Variants in LAMC2 observed in about 807,000 individuals in gnomAD.
LAMC2 encodes the protein laminin subunit gamma-2.
In LAMC2, 97 loss-of-function variants were observed where a neutral mutation model predicts 140.2. The ratio of observed to expected loss-of-function variants is 0.69; its 90% CI spans 0.59 to 0.82. The LOEUF (loss-of-function observed/expected upper bound fraction) is 0.82, where lower values mean the gene tolerates loss of function less well. LAMC2 is among the 40% of genes least tolerant of loss of function. The pLI is 0.00. For missense variants in LAMC2, 1,402 were observed against 1,476.1 expected (o/e 0.95, Z 0.82); for synonymous variants, 513 against 540.2 (o/e 0.95, Z 0.70).
chr1:183,257,038 C>A, the LAMC2 span, among the ~76,000 whole-genome samples: 1 of 152,130 alleles, frequency 6.6e-6, no homozygotes, highest in Non-Finnish European at 1.5e-5. Flanking sequence ...AGGCATGAGC[C>A]ACTGTGCCTG....
chr1:183,249,703 G>A (rs199574623), downstream of LAMC2: 1 of 152,662 alleles, frequency 6.6e-6, no homozygotes, highest in East Asian at 1.9e-4. Flanking sequence ...GTGTGTGTGT[G>A]TGTGTGTGTG....
chr1:183,233,435 G>C (rs1015927262), intron 14 of LAMC2, among the ~76,000 whole-genome samples: 1 of 152,178 alleles, frequency 6.6e-6, no homozygotes, highest in Non-Finnish European at 1.5e-5. Context: ...GTAGGAGGGA[G>C]AGATTTGATT....
intron 7 of LAMC2, 91 bp from the exon 8 acceptor site, chr1:183,225,496 AAGCAGGACTGGGAAGGGGCTT>A: frequency 1.3e-6 from 1 of 791,202 alleles, no homozygotes. Flanking sequence ...GCCCCCTTCT[AAGCAGGACTGGGAAGGGGCTT>A]AGCTGTTCCC....
At chr1:183,218,975 C>T (rs1016448747) in intron 4 of LAMC2, among the ~76,000 whole-genome samples, 1 of 152,208 alleles carries the variant, frequency 6.6e-6, no homozygotes, top group East Asian at 1.9e-4. Flanking sequence ...GTTACATGCA[C>T]ACACATGAAT....
At chr1:183,240,269 G>C (rs767106847) in intron 21 of LAMC2, 23 bp from the exon 22 acceptor site, 1 of 1,614,204 alleles carries the variant, frequency 6.2e-7, no homozygotes, top group Non-Finnish European at 8.5e-7. Flanking sequence ...TTTCAAGGCT[G>C]GTTTGTGCTT....
At chr1:183,230,810 A>T in intron 11 of LAMC2, 151 bp from the exon 12 acceptor site, 2 of 874,648 alleles carry the variant, frequency 2.3e-6, no homozygotes, top group Non-Finnish European at 3.6e-6. Flanking sequence ...CTGCCACATG[A>T]TTCCTAAGAC....
Position 183,227,597 on chromosome 1 carries a change from C to T in LAMC2, c.1368C>T (p.Pro456=). Residue 456 remains proline (P), a synonymous_variant, in exon 10 of 23, where the codon CCC becomes CCT. Transcript: ENST00000264144. Reference sequence around the variant, plus strand: ...GTTTCTACAACGATCCGCACGACCCCCGCAGCTGCAAGCCATGTCCCTGTC... The same window carrying T: ...GTTTCTACAACGATCCGCACGACCCTCGCAGCTGCAAGCCATGTCCCTGTC... ...PIGFYNDPHD[P]RSCKPCPCHN... is the part of the protein sequence containing the mutation. The T allele has an allele frequency of 6.2e-7, 1 of 1,614,204 alleles. No homozygotes were observed. Among genetic ancestry groups the T allele is most frequent in the East Asian group, 2.2e-5 (1 of 44,878 alleles).
chr1:183,230,865 G>A, intron 11 of LAMC2, 96 bp from the exon 12 acceptor site: 1 of 1,384,772 alleles, frequency 7.2e-7, no homozygotes, highest in South Asian at 1.2e-5. Flanking sequence ...AGGATTCTCT[G>A]CTGTTGGAGG....
At chr1:183,250,162 C>T in the LAMC2 span, 2 of 152,246 alleles carry the variant, frequency 1.3e-5, no homozygotes, top group African/African-American at 4.8e-5. Context: ...ACCTGTTTTC[C>T]TTTGTTTCAT....
At chr1:183,189,425 A>T (rs1242822029) in intron 1 of LAMC2, among the ~76,000 whole-genome samples, 1 of 152,182 alleles carries the variant, frequency 6.6e-6, no homozygotes, top group Non-Finnish European at 1.5e-5. Flanking sequence ...CCCCACCTCT[A>T]GGAGGCTAAG....
intron 7 of LAMC2, among the ~76,000 whole-genome samples, chr1:183,223,603 G>A (rs1282010459): frequency 6.6e-6 from 1 of 152,086 alleles, no homozygotes; most frequent in East Asian, 1.9e-4. Context: ...ACATAAAGGA[G>A]GCATGACTGA....
intron 1 of LAMC2, among the ~76,000 whole-genome samples, chr1:183,197,631 G>T (rs1225343720): frequency 2.6e-5 from 4 of 151,416 alleles, no homozygotes; most frequent in African/African-American, 9.7e-5. Flanking sequence ...AGCCGAGATC[G>T]TGCTACTGCA....
chr1:183,231,172 C>G (rs1488609286), intron 12 of LAMC2, 69 bp downstream of exon 12: 15 of 1,576,240 alleles, frequency 9.5e-6, no homozygotes, highest in Non-Finnish European at 1.3e-5. Flanking sequence ...CTGGGTGGTT[C>G]TGTCACAGAT....
chr1:183,227,494 C>T, intron 9 of LAMC2, 21 bp from the exon 10 acceptor site: 1 of 1,608,394 alleles, frequency 6.2e-7, no homozygotes, highest in Non-Finnish European at 8.5e-7. Context: ...CTCTGCCCCT[C>T]CACTCTTCTC....
chr1:183,228,455 G>A lies in LAMC2; in HGVS notation c.1550G>A (p.Cys517Tyr). 6.2e-7 allele frequency: 1 copy of A among 1,614,032 alleles called. No homozygotes were observed. Among genetic ancestry groups the A allele is most frequent in the Non-Finnish European group, 8.5e-7 (1 of 1,180,016 alleles). Residue 517 changes from cysteine to tyrosine, a missense_variant, in exon 11 of 23, where the codon TGT becomes TAT. Physicochemically the swap from Cys to Tyr is radical, Grantham distance 194 (BLOSUM62 -2). This residue lies in a region of LAMC2 where 723 missense variants were observed against 783.3 expected (regional missense o/e 0.92). Transcript: ENST00000264144. This position sits in a 1 kb window ranked among gnomAD's most constrained non-coding sequence, Gnocchi z 4.3. ...GGCCCAGTGAGGCCTTGTCAGCCCTGTCAATGCAACAACAATGTGGACCCC... is the reference window on the plus strand; with the variant it reads ...GGCCCAGTGAGGCCTTGTCAGCCCTATCAATGCAACAACAATGTGGACCCC... Reference protein sequence around the residue: ...EHGPVRPCQPCQCNNNVDPSA... With the variant: ...EHGPVRPCQPYQCNNNVDPSA...
chr1:183,243,183 T>G lies in LAMC2; in HGVS notation c.3365T>G (p.Leu1122Ter), dbSNP rs1660173338. 2 of 1,613,878 alleles carry G rather than the reference T, an allele frequency of 1.2e-6. No individual in the cohort carries two copies. ...AGTGTAGATGAAGAGGGGCTGGTCT[T>G]ACTGGAGCAGAAGCTTTCCCGAGCC... ...PLSVDEEGLV[L>*]LEQKLSRAKT... Residue 1122 changes from leucine (L) to a stop codon, truncating the protein, a stop_gained, in exon 23 of 23, where the codon TTA becomes TGA. Transcript: ENST00000264144. LOFTEE classifies it high-confidence loss of function.
At chr1:183,224,583 C>T (rs1659571954) in intron 7 of LAMC2, among the ~76,000 whole-genome samples, 1 of 151,886 alleles carries the variant, frequency 6.6e-6, no homozygotes, top group African/African-American at 2.4e-5. Flanking sequence ...GTGCCTAACC[C>T]AAGGCAGGGG....
chr1:183,257,035 A>C, the LAMC2 span, among the ~76,000 whole-genome samples: 1 of 152,128 alleles, frequency 6.6e-6, no homozygotes, highest in Non-Finnish European at 1.5e-5. Context: ...TACAGGCATG[A>C]GCCACTGTGC....
chr1:183,220,790 C>T, intron 4 of LAMC2, 35 bp from the exon 5 acceptor site: 1 of 1,601,598 alleles, frequency 6.2e-7, no homozygotes, highest in Non-Finnish European at 8.6e-7. Flanking sequence ...TAAAAAATAA[C>T]CTATAATATC....
Sources: gnomAD v4.1 joint callset for allele counts (sites outside exome capture counted in the v4.1 genomes callset) on GRCh38, gnomAD v4.1.1 for gene constraint, gnomAD v4.1.1 regional missense constraint, Gnocchi (gnomAD v3.1) non-coding constraint, MANE v1.5 for transcripts, NCBI Gene and HGNC (gene_info 2026-07-23, HGNC 2026-07-21) for gene names.